Variants in SPIN1 observed in about 807,000 individuals in gnomAD.
SPIN1 encodes the protein spindlin-1.
In SPIN1, 3 loss-of-function variants were observed where a neutral mutation model predicts 26.0. The ratio of observed to expected loss-of-function variants is 0.12; its 90% confidence interval spans 0.05 to 0.30. The LOEUF (loss-of-function observed/expected upper bound fraction) is 0.30. SPIN1 is among the 10% of genes least tolerant of loss of function. The probability of loss-of-function intolerance (pLI) is 1.00; values close to 1 mark genes in which losing one functional copy is unlikely to be tolerated. For missense variants in SPIN1, 126 were observed against 333.4 expected, an observed-to-expected ratio of 0.38 and a Z score of 4.84; for synonymous variants, 101 against 116.5, an observed-to-expected ratio of 0.87 and a Z score of 0.86.
At chr9:88,433,299 T>A (rs373736952) in intron 2 of SPIN1, among the ~76,000 whole-genome samples, 46 of 152,262 alleles carry the variant, frequency 3.0e-4, no homozygotes, top group African/African-American at 9.9e-4. Context: ...CCCAGGCTGG[T>A]CTTGAACTCA....
At chr9:88,454,582 T>C (rs9785203) in intron 3 of SPIN1, among the ~76,000 whole-genome samples, 29,218 of 152,180 alleles carry the variant, frequency 0.19, 3,696 homozygotes, top group African/African-American at 0.36. Context: ...AAATAACTTT[T>C]TACTGTGGGA....
intron 2 of SPIN1, among the ~76,000 whole-genome samples, chr9:88,433,864 G>T (rs766714550): frequency 2.0e-5 from 3 of 151,526 alleles, no homozygotes; most frequent in Non-Finnish European, 4.4e-5. Flanking sequence ...TAAGTTCTTG[G>T]AAACTGTGAC....
At chr9:88,440,501 G>A (rs913871614) in intron 2 of SPIN1, among the ~76,000 whole-genome samples, 1 of 151,862 alleles carries the variant, frequency 6.6e-6, no homozygotes, top group Non-Finnish European at 1.5e-5. Flanking sequence ...TGTAGTTTGC[G>A]ATATATATTT....
intron 2 of SPIN1, among the ~76,000 whole-genome samples, chr9:88,434,829 G>T (rs997373291): frequency 6.6e-6 from 1 of 152,168 alleles, no homozygotes; most frequent in Non-Finnish European, 1.5e-5. Context: ...GGCCGAAGCG[G>T]GTGGGTCACT....
chr9:88,438,897 CAAG>C (rs752200680), intron 2 of SPIN1, among the ~76,000 whole-genome samples: 1 of 152,122 alleles, frequency 6.6e-6, no homozygotes, highest in Non-Finnish European at 1.5e-5. Context: ...TGTAACACAA[CAAG>C]AAACCATGTC....
chr9:88,446,285 C>T (rs1828249408), intron 2 of SPIN1, among the ~76,000 whole-genome samples: 1 of 152,064 alleles, frequency 6.6e-6, no homozygotes, highest in South Asian at 2.1e-4. Context: ...TTGGCTTTTC[C>T]CTTTACAGTC....
chr9:88,454,415 T>C (rs1471776321), intron 3 of SPIN1, among the ~76,000 whole-genome samples: 1 of 152,230 alleles, frequency 6.6e-6, no homozygotes, highest in Non-Finnish European at 1.5e-5. Context: ...ATTCCCTTTC[T>C]AGTAATTCCT....
intron 2 of SPIN1, among the ~76,000 whole-genome samples, chr9:88,443,840 T>C (rs1048533481): frequency 2.0e-5 from 3 of 152,152 alleles, no homozygotes; most frequent in Non-Finnish European, 4.4e-5. Flanking sequence ...GATGGCTTGA[T>C]CAACTTCCCC....
At chr9:88,413,416 C>T (rs539892867) in intron 1 of SPIN1, among the ~76,000 whole-genome samples, 3 of 151,604 alleles carry the variant, frequency 2.0e-5, no homozygotes, top group Non-Finnish European at 4.4e-5. Flanking sequence ...GGCAGTCTCC[C>T]TGTATCGCCC....
intron 1 of SPIN1, among the ~76,000 whole-genome samples, chr9:88,400,258 T>G (rs60069984): frequency 6.6e-6 from 1 of 152,160 alleles, no homozygotes; most frequent in African/African-American, 2.4e-5. Flanking sequence ...TCTAAAAGAT[T>G]GTATAGTTTT....
At chr9:88,448,078 C>T (rs756258768) in intron 2 of SPIN1, among the ~76,000 whole-genome samples, 2 of 149,918 alleles carry the variant, frequency 1.3e-5, no homozygotes, top group African/African-American at 2.5e-5. Context: ...GTGTCTCACT[C>T]TGTTGCCCAG....
chr9:88,469,306 C>T (rs1242919431), intron 5 of SPIN1, among the ~76,000 whole-genome samples: 2 of 152,182 alleles, frequency 1.3e-5, no homozygotes, highest in Non-Finnish European at 2.9e-5. Context: ...TCCTGCTGTG[C>T]GGCGTGGCCC....
chr9:88,431,617 T>C (rs981040460), intron 2 of SPIN1, among the ~76,000 whole-genome samples: 19 of 152,208 alleles, frequency 1.2e-4, no homozygotes, highest in Non-Finnish European at 2.1e-4. Flanking sequence ...TTCTCATTCT[T>C]TGTGTGTGTC....
rs960487586 is a variant in SPIN1 at position 88,430,698 on chromosome 9, G to A, written c.52+4107G>A. 2.4e-4 allele frequency among the ~76,000 whole-genome samples: 36 copies of A among 152,006 alleles called. 1 individual carries two copies. The highest frequency in any genetic ancestry group is 2.1e-4 in the South Asian group (1 of 4,834). On this transcript the variant is annotated intron_variant, in intron 2 of 5. Transcript: ENST00000375859. ...AATTTCTGTTTTGAAAATAACTTAC[G>A]TTTATCTGTGATTATGTTGAAATTT...
At chr9:88,451,616 A>G (rs886365175) in intron 3 of SPIN1, among the ~76,000 whole-genome samples, 12 of 152,142 alleles carry the variant, frequency 7.9e-5, no homozygotes, top group Non-Finnish European at 1.6e-4. Context: ...GTTGGAGTGC[A>G]GTGGTGCAAT....
intron 3 of SPIN1, chr9:88,457,670 A>T: frequency 4.7e-6 from 1 of 214,790 alleles, no homozygotes; most frequent in Non-Finnish European, 8.0e-6. Flanking sequence ...TGAGGGGAAA[A>T]AGACTTTGAA....
chr9:88,459,239 A>G (rs1828530585), intron 3 of SPIN1, among the ~76,000 whole-genome samples: 1 of 152,176 alleles, frequency 6.6e-6, no homozygotes, highest in Admixed American at 6.5e-5. Flanking sequence ...TCAAAAGAAG[A>G]TACGTAACTG....
chr9:88,424,286 C>T (rs1827724648), intron 1 of SPIN1, among the ~76,000 whole-genome samples: 1 of 152,234 alleles, frequency 6.6e-6, no homozygotes, highest in Non-Finnish European at 1.5e-5. Flanking sequence ...TAGCCAATAG[C>T]AAGCCTGTCT....
At chr9:88,423,501 C>T (rs374944886) in intron 1 of SPIN1, among the ~76,000 whole-genome samples, 366 of 151,362 alleles carry the variant, frequency 2.4e-3, no homozygotes, top group Middle Eastern at 0.017. Context: ...TGCAGTGGTG[C>T]GATCTCGGCT....
Sources: gnomAD v4.1 joint callset for allele counts (sites outside exome capture counted in the v4.1 genomes callset) on GRCh38, gnomAD v4.1.1 for gene constraint, MANE v1.5 for transcripts, NCBI Gene and HGNC (gene_info 2026-07-23, HGNC 2026-07-21) for gene names.